The following EPM2A variants were observed in gnomAD, a reference collection of about 807,000 sequenced individuals.
The protein encoded by EPM2A is EPM2A glucan phosphatase, laforin, also known as laforin.
In EPM2A, 21 loss-of-function variants were observed where a neutral mutation model predicts 26.5. The observed-to-expected ratio is 0.79, with a 90% CI of 0.56 to 1.14. EPM2A has a LOEUF of 1.14. Among genes scored for constraint, EPM2A ranks in the 50% most tolerant of loss-of-function variants. EPM2A has a pLI of 0.00. For missense variants in EPM2A, 458 were observed against 440.8 expected (o/e 1.04, Z -0.35); for synonymous variants, 217 against 177.6 (o/e 1.22, Z -1.76).
intron 2 of EPM2A, among the ~76,000 whole-genome samples, chr6:145,587,835 C>T (rs768165858): frequency 1.3e-5 from 2 of 152,050 alleles, no homozygotes; most frequent in Non-Finnish European, 2.9e-5. Context: ...TATCTAAAAC[C>T]TTGAAAGGCA....
At chr6:145,502,543 C>T (rs919900707) in exon 3 of EPM2A, 8 of 470,588 alleles carry the variant, frequency 1.7e-5, no homozygotes, top group Non-Finnish European at 3.5e-5. Flanking sequence ...TCCCACATCC[C>T]CGAGCAGCAC....
downstream of EPM2A, among the ~76,000 whole-genome samples, chr6:145,501,350 G>GTGGCCTTGAATTTCTTCAAGGTGGAA (rs1779887143): frequency 6.6e-6 from 1 of 152,180 alleles, no homozygotes; most frequent in Non-Finnish European, 1.5e-5. Flanking sequence ...TACAAACTGA[G>GTGGCCTTGAATTTCTTCAAGGTGGAA]TGGCCTTGAA....
At chr6:145,729,403 T>G (rs1051033099) in intron 1 of EPM2A, among the ~76,000 whole-genome samples, 1 of 152,232 alleles carries the variant, frequency 6.6e-6, no homozygotes, top group Non-Finnish European at 1.5e-5. Context: ...CCATGGGGGC[T>G]GTACCCTGCA....
chr6:145,395,522 A>G (rs769464221), intron 4 of EPM2A, among the ~76,000 whole-genome samples: 9 of 152,042 alleles, frequency 5.9e-5, no homozygotes, highest in Non-Finnish European at 1.0e-4. Context: ...TACTGAAAAA[A>G]CAACGAGAGC....
chr6:145,704,142 T>C (rs559398941), intron 1 of EPM2A, among the ~76,000 whole-genome samples: 1 of 152,300 alleles, frequency 6.6e-6, no homozygotes, highest in South Asian at 2.1e-4. Flanking sequence ...AAGTTCTTAA[T>C]AAATTGCTAA....
chr6:145,439,756 A>C (rs1779037567), intron 4 of EPM2A, among the ~76,000 whole-genome samples: 1 of 152,144 alleles, frequency 6.6e-6, no homozygotes, highest in South Asian at 2.1e-4. Context: ...ATATTTCCTC[A>C]TTCTGTAGGT....
chr6:145,735,122 C>T (rs1435296075), intron 1 of EPM2A, 76 bp downstream of exon 1: 2 of 1,187,084 alleles, frequency 1.7e-6, no homozygotes, highest in Admixed American at 2.5e-5. Context: ...GGGGCCTGCC[C>T]GAGGCCGAGG....
intron 2 of EPM2A, among the ~76,000 whole-genome samples, chr6:145,526,313 C>A (rs576198637): frequency 1.4e-4 from 21 of 152,050 alleles, no homozygotes; most frequent in Admixed American, 1.3e-3. Flanking sequence ...CAGTAAGTTG[C>A]AGAAAAGTCT....
rs1562534681 is a variant in EPM2A, at chr6:145,735,227, CGCTTCAGGAACTT to C, written c.259_271del (p.Lys87GlyfsTer36). 5 of 1,537,606 alleles carry C rather than the reference CGCTTCAGGAACTT, an allele frequency of 3.3e-6. No individual in the cohort carries two copies. Among genetic ancestry groups the C allele is most frequent in the Non-Finnish European group, 4.4e-6 (5 of 1,141,052 alleles). ...CCAGGAGAGCTCTCCTCCCGGCTCC[CGCTTCAGGAACTT>C]GTACCAGAACGTGTCCACGCGGCCC... On this transcript the variant is annotated frameshift_variant, in exon 1 of 4. Transcript: ENST00000367519. LOFTEE classifies it high-confidence loss of function.
rs11964415 is a variant in EPM2A at position 145,708,934 on chromosome 6, G to T, written c.302-22638C>A. Among the ~76,000 whole-genome samples the T allele has an allele frequency of 2.7e-3, 414 of 152,294 alleles. 1 individual carries two copies. Among genetic ancestry groups the T allele is most frequent in the African/African-American group, 8.1e-3 (335 of 41,578 alleles). On this transcript the variant is annotated intron_variant, in intron 1 of 3. Coordinates refer to ENST00000367519, the MANE Select transcript of EPM2A (RefSeq NM_005670.4). ...TTGCATTAGTGTGACCTGGATGTGA[G>T]ATATAAAATCAAAGGAGATCATTTT...
chr6:145,703,803 C>T (rs182230590), intron 1 of EPM2A, among the ~76,000 whole-genome samples: 3 of 152,278 alleles, frequency 2.0e-5, no homozygotes, highest in Admixed American at 1.3e-4. Context: ...TCTTGTGGGA[C>T]TAATTTTCTA....
rs958250545 is a variant in EPM2A, at chr6:145,627,062, C to T, written c.*354G>A. The T allele has an allele frequency of 8.5e-6, 10 of 1,180,548 alleles. No homozygotes were observed. Among genetic ancestry groups the T allele is most frequent in the Non-Finnish European group, 1.1e-5 (10 of 945,572 alleles). 73.1% of individuals were successfully genotyped at this position (1,180,548 alleles called of 1,614,324 possible). ...CTCTACATGGCCAAGAGTTTCAGTG[C>T]AACAGGAAAGTGCTGTCACGGATCC... On this transcript the variant is annotated 3_prime_UTR_variant, in exon 4 of 4. Transcript: ENST00000367519.
intron 2 of EPM2A, among the ~76,000 whole-genome samples, chr6:145,650,600 G>A (rs947249354): frequency 2.0e-5 from 3 of 151,680 alleles, no homozygotes; most frequent in African/African-American, 7.3e-5. Context: ...TATTAATCAA[G>A]TACAATCCTA....
At chr6:145,532,345 G>A (rs1472859950) in intron 2 of EPM2A, among the ~76,000 whole-genome samples, 1 of 152,294 alleles carries the variant, frequency 6.6e-6, no homozygotes, top group East Asian at 1.9e-4. Flanking sequence ...TCAGGATAGG[G>A]TTATGGTTGA....
chr6:145,678,113 G>T (rs1436156857), intron 2 of EPM2A, among the ~76,000 whole-genome samples: 1 of 152,184 alleles, frequency 6.6e-6, no homozygotes, highest in Non-Finnish European at 1.5e-5. Flanking sequence ...AGAGGCCTCA[G>T]AAATAACACC....
chr6:145,414,111 T>C (rs1161629590), intron 4 of EPM2A, among the ~76,000 whole-genome samples: 1 of 152,138 alleles, frequency 6.6e-6, no homozygotes, highest in East Asian at 1.9e-4. Flanking sequence ...GATCTTCCTC[T>C]TGGGCAGGAT....
chr6:145,445,193 T>C (rs1332184698), intron 4 of EPM2A, among the ~76,000 whole-genome samples: 4 of 152,136 alleles, frequency 2.6e-5, no homozygotes, highest in South Asian at 4.1e-4. Flanking sequence ...TTTTTCTAAG[T>C]ATGTACACAG....
At chr6:145,471,675 T>C (rs1779475008) in intron 4 of EPM2A, among the ~76,000 whole-genome samples, 1 of 152,148 alleles carries the variant, frequency 6.6e-6, no homozygotes, top group African/African-American at 2.4e-5. Context: ...CAAAGTGAGC[T>C]GATGACCACC....
At chr6:145,706,665 C>T (rs1398232614) in intron 1 of EPM2A, among the ~76,000 whole-genome samples, 4 of 152,086 alleles carry the variant, frequency 2.6e-5, no homozygotes, top group Non-Finnish European at 4.4e-5. Context: ...AATAATATGC[C>T]GCTGTACTCC....
Sources: allele counts gnomAD v4.1 joint callset (sites outside exome capture counted in the v4.1 genomes callset), GRCh38; gene constraint gnomAD v4.1.1; transcripts MANE v1.5; gene names NCBI Gene and HGNC (gene_info 2026-07-23, HGNC 2026-07-21).